BRD10: variants seen among roughly 807,000 people sequenced by gnomAD.
BRD10 encodes the protein bromodomain containing 10.
At chr9:5,994,014 C>G in the BRD10 span, among the ~76,000 whole-genome samples, 1 of 152,268 alleles carries the variant, frequency 6.6e-6, no homozygotes, top group African/African-American at 2.4e-5. Context: ...TGTATCTTTA[C>G]AAGCTCTGTG....
At chr9:5,956,927 G>C in the BRD10 span, among the ~76,000 whole-genome samples, 1 of 152,018 alleles carries the variant, frequency 6.6e-6, no homozygotes, top group Non-Finnish European at 1.5e-5. Flanking sequence ...CTAAATACAA[G>C]AATCCTACTT....
At chr9:5,966,736 G>C in the BRD10 span, among the ~76,000 whole-genome samples, 1 of 151,960 alleles carries the variant, frequency 6.6e-6, no homozygotes, top group Admixed American at 6.6e-5. Context: ...GGGATTACAG[G>C]TGTAAGCCAC....
At chr9:5,928,370 G>A in the BRD10 span, among the ~76,000 whole-genome samples, 1 of 152,102 alleles carries the variant, frequency 6.6e-6, no homozygotes, top group East Asian at 1.9e-4. Flanking sequence ...CAGAGTGATT[G>A]CTTTAAAACA....
the BRD10 span, among the ~76,000 whole-genome samples, chr9:5,914,409 G>GTTTTTTTTT: frequency 4.5e-4 from 48 of 106,960 alleles, 4 homozygotes; most frequent in African/African-American, 5.0e-4. Context: ...AAATCCAGAT[G>GTTTTTTTTT]GTTTTTTTTT....
chr9:5,888,157 G>GT, the BRD10 span, among the ~76,000 whole-genome samples: 21 of 152,028 alleles, frequency 1.4e-4, no homozygotes, highest in African/African-American at 4.6e-4. Context: ...TTCCGGTGGG[G>GT]TTTTTTTTCT....
At chr9:5,939,816 T>A in the BRD10 span, among the ~76,000 whole-genome samples, 1 of 152,234 alleles carries the variant, frequency 6.6e-6, no homozygotes, top group Non-Finnish European at 1.5e-5. Context: ...CAGTGTAGGA[T>A]GTTCAGCAGC....
At chr9:5,988,527 T>A in the BRD10 span, 1 of 1,613,790 alleles carries the variant, frequency 6.2e-7, no homozygotes, top group South Asian at 1.1e-5. Flanking sequence ...CTGCTATCGT[T>A]GTCTTTTCTC....
chr9:5,892,681 G>A, the BRD10 span: 1 of 682,936 alleles, frequency 1.5e-6, no homozygotes, highest in Non-Finnish European at 2.3e-6. Flanking sequence ...AACATCCCTG[G>A]CAACAAGGGG....
At chr9:5,924,586 T>C in the BRD10 span, 1 of 828,472 alleles carries the variant, frequency 1.2e-6, no homozygotes, top group Non-Finnish European at 1.8e-6. Context: ...ATATTATCTT[T>C]TGCCTTCACA....
At chr9:5,913,544 C>T in the BRD10 span, among the ~76,000 whole-genome samples, 151,706 of 152,332 alleles carry the variant, frequency 1, 75,541 homozygotes, top group East Asian at 1. Flanking sequence ...GTGTGAGAAA[C>T]GGAGGAAAAA....
the BRD10 span, chr9:5,969,305 T>C: frequency 1.9e-6 from 3 of 1,613,874 alleles, no homozygotes; most frequent in East Asian, 2.2e-5. Context: ...ACAAAGGAAA[T>C]GCCCAATAGC....
chr9:5,986,270 A>T, the BRD10 span, among the ~76,000 whole-genome samples: 1 of 152,194 alleles, frequency 6.6e-6, no homozygotes, highest in Non-Finnish European at 1.5e-5. Context: ...AATGGCTTCC[A>T]GCTTCATCCA....
At chr9:5,917,056 A>G in the BRD10 span, among the ~76,000 whole-genome samples, 1 of 152,248 alleles carries the variant, frequency 6.6e-6, no homozygotes, top group African/African-American at 2.4e-5. Flanking sequence ...GACCTTAAAT[A>G]AGAGGTTATC....
At chr9:5,931,125 T>A in the BRD10 span, among the ~76,000 whole-genome samples, 1 of 152,186 alleles carries the variant, frequency 6.6e-6, no homozygotes, top group East Asian at 1.9e-4. Flanking sequence ...GCATGCTGAA[T>A]TCCTCACCGG....
At chr9:5,960,360 G>A in the BRD10 span, among the ~76,000 whole-genome samples, 26 of 152,168 alleles carry the variant, frequency 1.7e-4, no homozygotes, top group African/African-American at 6.0e-4. Flanking sequence ...TCAGGAGTTC[G>A]AGACCAGCCT....
chr9:5,990,654 T>G, the BRD10 span, among the ~76,000 whole-genome samples: 1 of 152,172 alleles, frequency 6.6e-6, no homozygotes, highest in Non-Finnish European at 1.5e-5. Context: ...TATTTATTAC[T>G]CATAATTAAA....
chr9:5,903,008 A>G, the BRD10 span, among the ~76,000 whole-genome samples: 1 of 152,166 alleles, frequency 6.6e-6, no homozygotes, highest in Non-Finnish European at 1.5e-5. Flanking sequence ...AGTATCCCAC[A>G]AATTCTGATA....
the BRD10 span, among the ~76,000 whole-genome samples, chr9:5,982,115 A>G: frequency 6.6e-6 from 1 of 152,190 alleles, no homozygotes; most frequent in African/African-American, 2.4e-5. Context: ...ATGCAAAAGA[A>G]TGTTATATAT....
the BRD10 span, among the ~76,000 whole-genome samples, chr9:5,895,092 G>A: frequency 1.3e-5 from 2 of 152,208 alleles, no homozygotes; most frequent in Non-Finnish European, 2.9e-5. Context: ...ATGCGTGGGA[G>A]CTATCCTTTA....
Sources: allele counts gnomAD v4.1 joint callset (sites outside exome capture counted in the v4.1 genomes callset), GRCh38; gene constraint gnomAD v4.1.1; transcripts MANE v1.5; gene names NCBI Gene and HGNC (gene_info 2026-07-23, HGNC 2026-07-21).